Variants in MITF observed in about 807,000 individuals in gnomAD.
MITF encodes melanocyte inducing transcription factor.
Under a neutral mutation model 60.5 loss-of-function variants are expected in MITF, and 17 were observed. That is an observed-to-expected ratio of 0.28 (90% CI 0.19 to 0.42). MITF has a LOEUF of 0.42. MITF is among the 10% of genes least tolerant of loss of function. MITF has a pLI of 1.00. For missense variants in MITF, 622 were observed against 683.5 expected (o/e 0.91, Z 1.00); for synonymous variants, 260 against 248.5 (o/e 1.05, Z -0.43).
chr3:69,779,091 CA>C (rs1356711035), intron 1 of MITF: 6 of 152,172 alleles, frequency 3.9e-5, no homozygotes, highest in African/African-American at 1.4e-4. Context: ...TCCTTTGCTG[CA>C]GTTTAATTCA....
intron 1 of MITF, among the ~76,000 whole-genome samples, chr3:69,740,494 A>G (rs1297004568): frequency 6.6e-6 from 1 of 152,120 alleles, no homozygotes. Context: ...CGAGGAGTGA[A>G]GACATCCACT....
chr3:69,934,938 T>G (rs2065799888), intron 2 of MITF, among the ~76,000 whole-genome samples: 1 of 152,096 alleles, frequency 6.6e-6, no homozygotes. Context: ...AAAAAAGAAG[T>G]TTGGATTGCC....
chr3:69,915,124 G>A (rs114969819), intron 2 of MITF, among the ~76,000 whole-genome samples: 142 of 152,222 alleles, frequency 9.3e-4, no homozygotes, highest in Non-Finnish European at 1.6e-3. Context: ...GCAATACTAC[G>A]TAGATTCAGA....
At chr3:69,748,016 C>T (rs1157994120) in intron 1 of MITF, among the ~76,000 whole-genome samples, 1 of 152,138 alleles carries the variant, frequency 6.6e-6, no homozygotes. Context: ...GTGTTTCTGT[C>T]CTGAGATCAT....
chr3:69,874,448 G>A (rs2064307278), intron 1 of MITF, among the ~76,000 whole-genome samples: 1 of 152,156 alleles, frequency 6.6e-6, no homozygotes, highest in East Asian at 1.9e-4. Flanking sequence ...CTGTATTCCA[G>A]TTTATTGGAC....
intron 1 of MITF, among the ~76,000 whole-genome samples, chr3:69,758,012 TG>T (rs2062154319): frequency 1.1e-5 from 1 of 93,300 alleles, no homozygotes; most frequent in African/African-American, 3.1e-5. Context: ...TGTGTGTGTG[TG>T]TGTGTGTGTG....
At position 69,949,103 on chromosome 3, in the gene MITF, C is replaced by A. The variant is rs768418058; in HGVS notation, c.815C>A (p.Pro272Gln). The change falls in exon 6 of 10, where the codon CCA (proline) becomes CAA (glutamine). Residue 272 changes from proline to glutamine, a missense_variant. Physicochemically the swap from Pro to Gln is moderately conservative, Grantham distance 76. This residue lies in a region of MITF where 215 missense variants were observed against 224.8 expected (regional missense o/e 0.96). Coordinates refer to ENST00000352241, the MANE Select transcript of MITF (RefSeq NM_001354604.2). ...CTTTATGGAAACCAAGGTCTGCCCC[C>A]ACCAGGCCTCACCATCAGCAACTCC... ...IDLYGNQGLP[P>Q]PGLTISNSCP... is the part of the protein sequence containing the mutation. The A allele has an allele frequency of 5.0e-6, 8 of 1,613,806 alleles. No homozygotes were observed. Among genetic ancestry groups the A allele is most frequent in the African/African-American group, 1.3e-5 (1 of 74,982 alleles).
intron 1 of MITF, among the ~76,000 whole-genome samples, chr3:69,844,768 C>CTT (rs34297927): frequency 1.3e-4 from 19 of 149,650 alleles, no homozygotes; most frequent in Non-Finnish European, 1.3e-4. Flanking sequence ...ACTTAAACAG[C>CTT]TTTTTTTTTT....
chr3:69,954,504 G>A (rs937161167), intron 7 of MITF, among the ~76,000 whole-genome samples: 10 of 152,150 alleles, frequency 6.6e-5, no homozygotes, highest in Admixed American at 3.9e-4. Context: ...GTGCAGTGCT[G>A]TTCACATATC....
chr3:69,942,539 C>G (rs1362707240), intron 5 of MITF, among the ~76,000 whole-genome samples: 3 of 151,980 alleles, frequency 2.0e-5, no homozygotes, highest in Non-Finnish European at 4.4e-5. Context: ...GTGAGGACTT[C>G]CCTTGAAACC....
Position 69,941,330 on chromosome 3 carries a change from C to T in MITF, c.761C>T (p.Thr254Met), listed in dbSNP as rs201247895. Reference sequence around the variant, plus strand: ...GATCCTGCTTTGCAAATGGCAAATACGGTATTGATAACCTTTTTTTAAGTA... The same window carrying T: ...GATCCTGCTTTGCAAATGGCAAATATGGTATTGATAACCTTTTTTTAAGTA... ...LMDPALQMAN[T>M]LPVSGNLIDL... Residue 254 changes from threonine to methionine, a missense_variant and splice_region_variant, in exon 5 of 10, where the codon ACG becomes ATG. By Grantham distance (81) the Thr-to-Met change is moderately conservative (BLOSUM62 -1). Around this residue, in one of 5 missense-constraint regions of MITF, gnomAD observed 215 missense variants for 224.8 expected, o/e 0.96. Coordinates refer to ENST00000352241, the MANE Select transcript of MITF (RefSeq NM_001354604.2). 227 of 1,601,260 alleles carry T rather than the reference C, an allele frequency of 1.4e-4. 1 individual carries two copies. Among genetic ancestry groups the T allele is most frequent in the Non-Finnish European group, 1.8e-4 (209 of 1,168,838 alleles).
chr3:69,922,928 G>A (rs573040898), intron 2 of MITF, among the ~76,000 whole-genome samples: 2 of 152,242 alleles, frequency 1.3e-5, no homozygotes, highest in Non-Finnish European at 1.5e-5. Context: ...GACTTTCTCC[G>A]TTGTTAGGTC....
At chr3:69,795,606 G>C (rs1377402652) in intron 1 of MITF, among the ~76,000 whole-genome samples, 1 of 151,988 alleles carries the variant, frequency 6.6e-6, no homozygotes, top group Non-Finnish European at 1.5e-5. Context: ...TGTACCTGTG[G>C]TCCCAGCTAC....
In MITF at chr3:69,820,624, A is replaced by G. The variant is rs184276942; in HGVS notation, c.105-58510A>G. ...TGATGGCCTGGTAAAACTTCTTTGT[A>G]AACCTAGGGGATGTGATAGAATTGG... On this transcript the variant is annotated intron_variant, in intron 1 of 9. Transcript: ENST00000352241. Among the ~76,000 whole-genome samples the G allele has an allele frequency of 5.3e-5, 8 of 152,362 alleles. No homozygotes were observed. The East Asian group carries it at 1.5e-3, about 29-fold the overall frequency.
intron 1 of MITF, among the ~76,000 whole-genome samples, chr3:69,815,040 A>G (rs1246765689): frequency 6.6e-6 from 1 of 152,202 alleles, no homozygotes; most frequent in East Asian, 1.9e-4. Context: ...CCTCAGGTTT[A>G]TAAAAACAGA....
At position 69,965,010 on chromosome 3, in the gene MITF, T is replaced by C. The variant is rs1425564214; in HGVS notation, c.1343T>C (p.Leu448Pro). The change falls in exon 10 of 10, where the codon CTC (leucine) becomes CCC (proline). Residue 448 changes from leucine (L) to proline (P), a missense_variant. Leu to Pro is a moderately conservative substitution (Grantham distance 98, BLOSUM62 -3). Transcript: ENST00000352241. ...GCAGACCTAACCTGTACAACAACTC[T>C]CGATCTCACGGATGGCACCATCACC... Reference protein sequence around the residue: ...HHADLTCTTTLDLTDGTITFN... With the variant: ...HHADLTCTTTPDLTDGTITFN... 2.5e-6 allele frequency: 4 copies of C among 1,613,894 alleles called. No homozygotes were observed. The highest frequency in any genetic ancestry group is 3.4e-6 in the Non-Finnish European group (4 of 1,180,008).
chr3:69,936,947 C>CTTTTT (rs79472179), intron 2 of MITF: 3 of 273,686 alleles, frequency 1.1e-5, no homozygotes, highest in Admixed American at 6.0e-5. Context: ...TAGTAGGATT[C>CTTTTT]TTTTTTTTTT....
intron 1 of MITF, among the ~76,000 whole-genome samples, chr3:69,834,115 A>G (rs2063500554): frequency 6.6e-6 from 1 of 152,248 alleles, no homozygotes; most frequent in Admixed American, 6.5e-5. Flanking sequence ...TCAAATCAGC[A>G]TAGTTAACAT....
At chr3:69,889,621 G>T (rs1224463032) in intron 2 of MITF, among the ~76,000 whole-genome samples, 3 of 151,546 alleles carry the variant, frequency 2.0e-5, no homozygotes, top group Admixed American at 1.3e-4. Context: ...CTAAGTCTTT[G>T]TGCTGCCTTT....
Sources: allele counts gnomAD v4.1 joint callset (sites outside exome capture counted in the v4.1 genomes callset), GRCh38; gene constraint gnomAD v4.1.1; regional missense constraint gnomAD v4.1.1; transcripts MANE v1.5; gene names NCBI Gene and HGNC (gene_info 2026-07-23, HGNC 2026-07-21).